Variants in LNX1 observed in about 807,000 individuals in gnomAD.
LNX1 encodes the protein E3 ubiquitin-protein ligase LNX.
A neutral mutation model predicts 68.4 loss-of-function variants in LNX1; 54 were observed. That is an observed-to-expected ratio of 0.79 (90% CI 0.63 to 0.99). The LOEUF (loss-of-function observed/expected upper bound fraction) is 0.99. Among genes scored for constraint, LNX1 ranks in the 50% least tolerant of loss-of-function variants. LNX1 has a pLI of 0.00. For synonymous variants in LNX1, 336 were observed against 350.0 expected (o/e 0.96, Z 0.45); for missense variants, 906 against 926.4 (o/e 0.98, Z 0.29).
chr4:53,591,571 G>T, upstream of LNX1: 1 of 985,428 alleles, frequency 1.0e-6, no homozygotes, highest in Non-Finnish European at 1.2e-6. Flanking sequence ...GTGACATCAC[G>T]GAAGCCCCGA....
At chr4:53,518,988 G>A in intron 2 of LNX1, among the ~76,000 whole-genome samples, 1 of 152,218 alleles carries the variant, frequency 6.6e-6, no homozygotes, top group East Asian at 1.9e-4. Flanking sequence ...ACAGGCAGGA[G>A]TGGTGAGCAT....
chr4:53,529,439 C>T (rs1035461967), intron 2 of LNX1, among the ~76,000 whole-genome samples: 3 of 152,194 alleles, frequency 2.0e-5, no homozygotes, highest in African/African-American at 7.2e-5. Flanking sequence ...GGCAACCAAG[C>T]TACTGCTTTA....
intron 2 of LNX1, among the ~76,000 whole-genome samples, chr4:53,554,610 T>C (rs2109714217): frequency 6.6e-6 from 1 of 152,294 alleles, no homozygotes; most frequent in South Asian, 2.1e-4. Flanking sequence ...TCCCAGCACT[T>C]TGGGAGGCCA....
At chr4:53,565,356 C>T (rs1560669333) in intron 2 of LNX1, among the ~76,000 whole-genome samples, 1 of 152,034 alleles carries the variant, frequency 6.6e-6, no homozygotes, top group Non-Finnish European at 1.5e-5. Context: ...CCCCGAGCAG[C>T]CTAACTGGGA....
intron 2 of LNX1, among the ~76,000 whole-genome samples, chr4:53,613,470 G>A (rs1378388682): frequency 6.6e-6 from 1 of 151,978 alleles, no homozygotes; most frequent in Non-Finnish European, 1.5e-5. Flanking sequence ...ATTAAGCCTA[G>A]TATCCATATT....
intron 1 of LNX1, among the ~76,000 whole-genome samples, chr4:53,589,364 A>T (rs760165331): frequency 1.3e-5 from 2 of 152,228 alleles, no homozygotes; most frequent in African/African-American, 2.4e-5. Flanking sequence ...CCAAACTGTT[A>T]ACATTGCAGT....
intron 2 of LNX1, among the ~76,000 whole-genome samples, chr4:53,605,734 T>A (rs985284028): frequency 3.3e-5 from 5 of 152,226 alleles, no homozygotes; most frequent in African/African-American, 1.2e-4. Flanking sequence ...GGTTCCTCCA[T>A]GTTGTCACAA....
intron 1 of LNX1, among the ~76,000 whole-genome samples, chr4:53,634,037 A>G (rs1164626360): frequency 6.6e-6 from 1 of 152,136 alleles, no homozygotes; most frequent in Non-Finnish European, 1.5e-5. Context: ...CTCTGAAACC[A>G]TTGCAAATCA....
chr4:53,646,900 C>A (rs1210433725), intron 1 of LNX1, among the ~76,000 whole-genome samples: 2 of 152,182 alleles, frequency 1.3e-5, no homozygotes, highest in Non-Finnish European at 2.9e-5. Context: ...AGTAAATAAA[C>A]CACTCCCACC....
intron 1 of LNX1, among the ~76,000 whole-genome samples, chr4:53,647,217 AC>A (rs1253529226): frequency 1.3e-5 from 2 of 152,226 alleles, no homozygotes; most frequent in South Asian, 2.1e-4. Flanking sequence ...TTCACATACA[AC>A]CTTTGGCTCA....
chr4:53,638,276 C>T (rs564970014), intron 1 of LNX1, among the ~76,000 whole-genome samples: 11 of 152,234 alleles, frequency 7.2e-5, no homozygotes, highest in South Asian at 6.2e-4. Flanking sequence ...ATAGACCTTT[C>T]GATACTTTAA....
chr4:53,568,847 A>C (rs928285170), intron 2 of LNX1, among the ~76,000 whole-genome samples: 1 of 152,166 alleles, frequency 6.6e-6, no homozygotes, highest in Non-Finnish European at 1.5e-5. Flanking sequence ...CAAAAATCAC[A>C]AGCATTCTTA....
At chr4:53,574,591 A>G (rs1466862129) in intron 1 of LNX1, among the ~76,000 whole-genome samples, 1 of 152,204 alleles carries the variant, frequency 6.6e-6, no homozygotes, top group Non-Finnish European at 1.5e-5. Context: ...TGAGCCTTTC[A>G]TATTTTCACT....
upstream of LNX1, among the ~76,000 whole-genome samples, chr4:53,593,451 A>G (rs1732605902): frequency 1.3e-5 from 2 of 152,232 alleles, no homozygotes; most frequent in Admixed American, 1.3e-4. Context: ...TTCACTTGCC[A>G]TGTTCACATA....
chr4:53,475,545 C>T (rs1723508465), intron 9 of LNX1, among the ~76,000 whole-genome samples: 1 of 152,188 alleles, frequency 6.6e-6, no homozygotes, highest in Admixed American at 6.5e-5. Context: ...CTTATCTCCA[C>T]CCTCAAGAAA....
chr4:53,636,706 A>G (rs1301934709), intron 1 of LNX1, among the ~76,000 whole-genome samples: 1 of 152,156 alleles, frequency 6.6e-6, no homozygotes, highest in Non-Finnish European at 1.5e-5. Context: ...AGCAGCCTCC[A>G]CATTTTCCTA....
chr4:53,491,805 G>GT lies in LNX1; in HGVS notation c.1350+4217dup, dbSNP rs1724700305. On this transcript the variant is annotated intron_variant, in intron 6 of 10. Coordinates refer to ENST00000263925, the MANE Select transcript of LNX1 (RefSeq NM_001126328.3). ...GAGGATACGATACTTTTTTTTGTTT[G>GT]TTTGTTTTTTGAGAAAAGTTTCACT... Among the ~76,000 whole-genome samples the GT allele has an allele frequency of 1.0e-4, 14 of 140,484 alleles. 1 individual carries two copies. The highest frequency in any genetic ancestry group is 2.6e-4 in the African/African-American group (10 of 38,074). 92.2% of individuals were successfully genotyped at this position (140,484 alleles called of 152,430 possible). A position where few individuals can be genotyped will look rare whatever the true frequency, so the allele number is the denominator to read the frequency against.
chr4:53,521,409 C>T (rs372557184), intron 2 of LNX1, among the ~76,000 whole-genome samples: 81 of 152,276 alleles, frequency 5.3e-4, no homozygotes, highest in Admixed American at 1.3e-3. Context: ...AAGATATCTC[C>T]GAGTTTGCCC....
intron 4 of LNX1, among the ~76,000 whole-genome samples, chr4:53,503,286 C>T (rs1725636220): frequency 6.6e-6 from 1 of 152,182 alleles, no homozygotes; most frequent in Non-Finnish European, 1.5e-5. Context: ...AGAAGGTTTT[C>T]AATTTTCCTT....
Sources: gnomAD v4.1 joint callset for allele counts (sites outside exome capture counted in the v4.1 genomes callset) on GRCh38, gnomAD v4.1.1 for gene constraint, MANE v1.5 for transcripts, NCBI Gene and HGNC (gene_info 2026-07-23, HGNC 2026-07-21) for gene names.